The following HPS4 variants were observed in gnomAD, a reference collection of about 807,000 sequenced individuals.
HPS4 encodes the protein BLOC-3 complex member HPS4.
HPS4 carries 44 observed loss-of-function variants against 70.3 expected under a neutral mutation model. The ratio of observed to expected loss-of-function variants is 0.63; its 90% CI spans 0.49 to 0.80. HPS4 has a LOEUF of 0.80. Among genes scored for constraint, HPS4 ranks in the 30% least tolerant of loss-of-function variants. The pLI is 0.00. For missense variants in HPS4, 873 were observed against 884.4 expected (o/e 0.99, Z 0.16); for synonymous variants, 377 against 355.9 (o/e 1.06, Z -0.67).
At chr22:26,470,586 A>G (rs1400407217) in intron 7 of HPS4, 133 bp downstream of exon 7, 2 of 786,528 alleles carry the variant, frequency 2.5e-6, no homozygotes, top group Non-Finnish European at 4.4e-6. Flanking sequence ...AATCTAAACT[A>G]CCTGATATTT....
At chr22:26,443,351 C>A, downstream of HPS4, 1 of 647,654 alleles carries the variant, frequency 1.5e-6, no homozygotes, top group Non-Finnish European at 2.7e-6. Context: ...TATATCATGT[C>A]GGGTCCCTCT....
chr22:26,447,490 G>C (rs745372608), downstream of HPS4, among the ~76,000 whole-genome samples: 6 of 152,256 alleles, frequency 3.9e-5, no homozygotes, highest in Non-Finnish European at 8.8e-5. Context: ...TGTCAAGTGA[G>C]GTTTTGGTAA....
In HPS4 at chr22:26,464,395, A is replaced by G. The variant is rs1194354167; in HGVS notation, c.1235T>C (p.Leu412Pro). 3 of 1,614,180 alleles carry G rather than the reference A, an allele frequency of 1.9e-6. No individual in the cohort carries two copies. Among genetic ancestry groups the G allele is most frequent in the Middle Eastern group, 1.6e-4 (1 of 6,062 alleles). Residue 412 changes from leucine (L) to proline (P), a missense_variant, in exon 11 of 14, where the codon CTG (leucine) becomes CCG (proline). Leu to Pro is a moderately conservative substitution (Grantham distance 98). Transcript: ENST00000398145. ...CKASLSASSS[L>P]EPTPPEDTAI... ...TGTGTCCTCAGGAGGCGTGGGTTCC[A>G]GGCTGCTGGAGGCGCTGAGAGATGC...
intron 3 of HPS4, among the ~76,000 whole-genome samples, chr22:26,479,002 A>G (rs1378534594): frequency 2.0e-5 from 3 of 152,144 alleles, no homozygotes; most frequent in Non-Finnish European, 2.9e-5. Context: ...ACTTTTAAAA[A>G]CCAAGCTGAT....
At position 26,481,945 on chromosome 22, in the gene HPS4, C is replaced by G. The variant is rs983089107; in HGVS notation, c.-183G>C. ...CACTCAGCATGGAAAGTTCCACTTC[C>G]CTTCCTTGCAGGTTCTTCAGTTTCA... is the stretch of plus-strand genomic sequence containing the variant. On this transcript the variant is annotated 5_prime_UTR_variant, in exon 2 of 14. Coordinates refer to ENST00000398145, the MANE Select transcript of HPS4 (RefSeq NM_022081.6). 13 of 650,520 alleles carry G rather than the reference C, an allele frequency of 2.0e-5. No homozygotes were observed. The Admixed American group carries it at 2.9e-4, about 15-fold the overall frequency. The allele number at this position is 650,520 out of a possible 1,614,324, so 40.3% of individuals were successfully genotyped here.
chr22:26,471,376 G>A (rs2089781618), intron 6 of HPS4: 1 of 456,238 alleles, frequency 2.2e-6, no homozygotes. Context: ...TGGAGTCAGG[G>A]GCCTAGAAGT....
chr22:26,445,268 G>C (rs1230014895), intron 3 of HPS4, among the ~76,000 whole-genome samples: 1 of 152,078 alleles, frequency 6.6e-6, no homozygotes, highest in African/African-American at 2.4e-5. Flanking sequence ...TGGGAGGCGG[G>C]GGCTGCAGTG....
Position 26,452,011 on chromosome 22 carries a change from C to T in HPS4, c.*1222G>A. 1 of 196,216 alleles carries T rather than the reference C, an allele frequency of 5.1e-6. No homozygotes were observed. Among genetic ancestry groups the T allele is most frequent in the Non-Finnish European group, 9.1e-6 (1 of 110,400 alleles). 12.2% of individuals were successfully genotyped at this position (196,216 alleles called of 1,614,324 possible). ...ACGCGCGCGCGCGCGCGCGCACACA[C>T]ACACACACACACACACACACACACA... On this transcript the variant is annotated 3_prime_UTR_variant, in exon 14 of 14. Coordinates refer to ENST00000398145, the MANE Select transcript of HPS4 (RefSeq NM_022081.6).
In HPS4 at chr22:26,452,579, C is replaced by T. The variant is rs2085391210; in HGVS notation, c.*654G>A. On this transcript the variant is annotated 3_prime_UTR_variant, in exon 14 of 14. Transcript: ENST00000398145. ...GCTTTTATAAAGGGATCTCTAAAGC[C>T]CAAACTCCCTTCCATATTATTAAGG... is the stretch of plus-strand genomic sequence containing the variant. 3.1e-6 allele frequency: 1 copy of T among 322,724 alleles called. No individual in the cohort carries two copies. Among genetic ancestry groups the T allele is most frequent in the African/African-American group, 2.2e-5 (1 of 46,024 alleles). 20.0% of individuals were successfully genotyped at this position (322,724 alleles called of 1,614,324 possible). A position where few individuals can be genotyped will look rare whatever the true frequency, so the allele number is the denominator to read the frequency against.
upstream of HPS4, chr22:26,483,855 GC>G (rs2091595107): frequency 1.5e-6 from 2 of 1,323,540 alleles, no homozygotes; most frequent in South Asian, 2.1e-5. Flanking sequence ...GCGATGACGT[GC>G]CGAGTGCGCC....
Position 26,482,009 on chromosome 22 carries a change from A to G in HPS4, c.-247T>C, listed in dbSNP as rs1411154575. On this transcript the variant is annotated 5_prime_UTR_variant, in exon 2 of 14. Coordinates refer to ENST00000398145, the MANE Select transcript of HPS4 (RefSeq NM_022081.6). The stretch of plus-strand genomic sequence containing the variant: ...GCCTCTTACAACTCAGGGAGAAACT[A>G]TAACAGAGAATCCTAGCAGAAAAGT... 5 of 536,460 alleles carry G rather than the reference A, an allele frequency of 9.3e-6. No individual in the cohort carries two copies. Among genetic ancestry groups the G allele is most frequent in the South Asian group, 8.3e-5 (4 of 48,360 alleles). The allele number at this position is 536,460 out of a possible 1,614,324, so 33.2% of individuals were successfully genotyped here.
intron 7 of HPS4, among the ~76,000 whole-genome samples, chr22:26,469,580 G>C (rs2089419701): frequency 4.0e-5 from 6 of 151,864 alleles, no homozygotes; most frequent in Admixed American, 3.9e-4. Flanking sequence ...AATACAGGCT[G>C]GGTGCAGTGG....
At chr22:26,445,721 G>A (rs2084931468) in intron 3 of HPS4, among the ~76,000 whole-genome samples, 1 of 152,176 alleles carries the variant, frequency 6.6e-6, no homozygotes, top group South Asian at 2.1e-4. Context: ...TGCCACAGCT[G>A]AGTAGAGAAA....
chr22:26,463,255 G>C (rs2087693362), intron 11 of HPS4, among the ~76,000 whole-genome samples: 1 of 152,156 alleles, frequency 6.6e-6, no homozygotes, highest in Non-Finnish European at 1.5e-5. Context: ...CCAGAGCCAG[G>C]CAGGATTTCA....
chr22:26,466,304 T>C, intron 8 of HPS4, 42 bp from the exon 9 acceptor site: 1 of 1,609,362 alleles, frequency 6.2e-7, no homozygotes, highest in Non-Finnish European at 8.5e-7. Flanking sequence ...GGGCACCACA[T>C]TCTCCTCTTG....
intron 3 of HPS4, among the ~76,000 whole-genome samples, chr22:26,478,570 C>CAAAA (rs58708957): frequency 3.6e-5 from 4 of 111,220 alleles, no homozygotes; most frequent in South Asian, 3.0e-4. Flanking sequence ...GCCTCCATCA[C>CAAAA]AAAAAAAAAA....
chr22:26,478,062 CAAT>C (rs2090796810), intron 3 of HPS4, among the ~76,000 whole-genome samples: 1 of 152,106 alleles, frequency 6.6e-6, no homozygotes. Context: ...ATATCCAAGA[CAAT>C]AAGGCAAAAT....
rs1468181037 is a variant in HPS4 at position 26,472,768 on chromosome 22, AT to A, written c.384+63del. Reference sequence around the variant, plus strand: ...TACAAGACCCCAGAGTAAGTGCTGCATTCTGGCAATACCGGTTTTTATAAAG... The same window carrying A: ...TACAAGACCCCAGAGTAAGTGCTGCATCTGGCAATACCGGTTTTTATAAAG... On this transcript the variant is annotated intron_variant, in intron 5 of 13. Transcript: ENST00000398145. 7 of 1,198,660 alleles carry A rather than the reference AT, an allele frequency of 5.8e-6. No homozygotes were observed. The Admixed American group carries it at 1.2e-4, about 20-fold the overall frequency. 74.3% of individuals were successfully genotyped at this position (1,198,660 alleles called of 1,614,324 possible).
At chr22:26,470,573 T>A (rs1166929963) in intron 7 of HPS4, 146 bp downstream of exon 7, 1 of 737,886 alleles carries the variant, frequency 1.4e-6, no homozygotes, top group East Asian at 2.7e-5. Context: ...CTAAACTGAG[T>A]CAAATCTAAA....
Sources: allele counts gnomAD v4.1 joint callset (sites outside exome capture counted in the v4.1 genomes callset), GRCh38; gene constraint gnomAD v4.1.1; transcripts MANE v1.5; gene names NCBI Gene and HGNC (gene_info 2026-07-23, HGNC 2026-07-21).